The following ANO2 variants were observed in gnomAD, a reference collection of about 807,000 sequenced individuals.
ANO2 encodes anoctamin 2.
A neutral mutation model predicts 124.2 loss-of-function variants in ANO2; 101 were observed. That is an observed-to-expected ratio of 0.81 (90% CI 0.69 to 0.96). The LOEUF (loss-of-function observed/expected upper bound fraction) is 0.96, where lower values mean the gene tolerates loss of function less well. Among genes scored for constraint, ANO2 ranks in the 40% least tolerant of loss-of-function variants. The pLI, the probability that ANO2 is intolerant of heterozygous loss-of-function variation, is 0.00. For missense variants in ANO2, 1,293 were observed against 1,274.5 expected (o/e 1.01, Z -0.22); for synonymous variants, 486 against 482.5 (o/e 1.01, Z -0.09).
intron 14 of ANO2, among the ~76,000 whole-genome samples, chr12:5,648,047 T>C (rs1228484721): frequency 1.3e-5 from 2 of 152,220 alleles, no homozygotes; most frequent in African/African-American, 2.4e-5. Context: ...CACACGGGGC[T>C]GAATTTCTAG....
At position 5,935,799 on chromosome 12, in the gene ANO2, TG is replaced by T. The variant is rs376978709; in HGVS notation, c.22+9396del. 1.4e-4 allele frequency among the ~76,000 whole-genome samples: 22 copies of T among 152,366 alleles called. No homozygotes were observed. In the East Asian group the frequency reaches 1.9e-3, roughly 13 times the overall value. ...CCAAGAAGGTTAAAATATTGATGTC[TG>T]GGTTTCACCTCCACAGATTTGGACT... is the stretch of plus-strand genomic sequence containing the variant. On this transcript the variant is annotated intron_variant, in intron 1 of 24. Transcript: ENST00000682330.
intron 14 of ANO2, among the ~76,000 whole-genome samples, chr12:5,692,047 C>T (rs930642920): frequency 6.6e-6 from 1 of 152,112 alleles, no homozygotes; most frequent in South Asian, 2.1e-4. Context: ...GTGATGTGAT[C>T]TGATTTACAG....
chr12:5,885,443 A>G (rs1190059430), intron 3 of ANO2, among the ~76,000 whole-genome samples: 4 of 152,252 alleles, frequency 2.6e-5, no homozygotes, highest in African/African-American at 9.6e-5. Context: ...TGATAACAAT[A>G]ATAACTCACT....
intron 10 of ANO2, among the ~76,000 whole-genome samples, chr12:5,761,687 G>A (rs1951750257): frequency 2.6e-5 from 4 of 152,078 alleles, no homozygotes; most frequent in Admixed American, 6.5e-5. Flanking sequence ...TGGGCATAGC[G>A]ATAAATCAGT....
chr12:5,707,631 C>G (rs916554943), intron 14 of ANO2, among the ~76,000 whole-genome samples: 2 of 152,116 alleles, frequency 1.3e-5, no homozygotes, highest in African/African-American at 4.8e-5. Flanking sequence ...CTTTCCCCAC[C>G]CCCAGAGGAT....
intron 16 of ANO2, among the ~76,000 whole-genome samples, chr12:5,624,919 AG>A (rs1180104416): frequency 6.6e-6 from 1 of 152,166 alleles, no homozygotes; most frequent in Non-Finnish European, 1.5e-5. Context: ...AACCAGCCCC[AG>A]GGGCTGGGGA....
At chr12:5,838,820 T>TA (rs1255484945) in intron 4 of ANO2, among the ~76,000 whole-genome samples, 8 of 152,180 alleles carry the variant, frequency 5.3e-5, no homozygotes, top group Non-Finnish European at 1.0e-4. Flanking sequence ...ACCATGGACT[T>TA]ACGGAGAGCA....
intron 15 of ANO2, among the ~76,000 whole-genome samples, chr12:5,642,478 A>G (rs1456480446): frequency 1.3e-5 from 2 of 152,108 alleles, no homozygotes; most frequent in Non-Finnish European, 2.9e-5. Context: ...AAATTCTTTC[A>G]GTCCACCTTC....
chr12:5,696,406 A>G (rs1949177527), intron 14 of ANO2, among the ~76,000 whole-genome samples: 1 of 152,222 alleles, frequency 6.6e-6, no homozygotes, highest in Non-Finnish European at 1.5e-5. Flanking sequence ...CATAAATAGG[A>G]AAATATAACA....
At chr12:5,580,659 A>T (rs1320327088) in intron 20 of ANO2, among the ~76,000 whole-genome samples, 1 of 152,234 alleles carries the variant, frequency 6.6e-6, no homozygotes, top group East Asian at 1.9e-4. Flanking sequence ...CAAATGGGAA[A>T]AAAATTCTGT....
intron 20 of ANO2, among the ~76,000 whole-genome samples, chr12:5,582,181 G>A (rs2136849783): frequency 6.6e-6 from 1 of 152,282 alleles, no homozygotes; most frequent in African/African-American, 2.4e-5. Flanking sequence ...AAGCCAGCTC[G>A]GCCTGACCAA....
chr12:5,794,305 G>C (rs914401490), intron 10 of ANO2, among the ~76,000 whole-genome samples: 3 of 152,086 alleles, frequency 2.0e-5, no homozygotes, highest in African/African-American at 7.2e-5. Flanking sequence ...TGGATTGCCT[G>C]CTAATTCGTG....
intron 9 of ANO2, among the ~76,000 whole-genome samples, chr12:5,802,073 C>A (rs1280148332): frequency 1.3e-5 from 2 of 152,208 alleles, no homozygotes; most frequent in African/African-American, 4.8e-5. Flanking sequence ...TATGTCCAGG[C>A]AAAACCTGAG....
intron 14 of ANO2, among the ~76,000 whole-genome samples, chr12:5,715,585 C>A (rs895141334): frequency 2.0e-5 from 3 of 152,206 alleles, no homozygotes; most frequent in African/African-American, 7.2e-5. Flanking sequence ...AGAAGAGCAA[C>A]AGCCTCCTGC....
In ANO2 at chr12:5,730,479, T is replaced by A. The variant is rs554395314; in HGVS notation, c.1545+2041A>T. Among the ~76,000 whole-genome samples the A allele has an allele frequency of 6.6e-5, 10 of 152,278 alleles. No individual in the cohort carries two copies. The South Asian group carries it at 2.1e-3, about 32-fold the overall frequency. On this transcript the variant is annotated intron_variant, in intron 14 of 24. Transcript: ENST00000682330. ...TAAGGAGAGGTGAGGATATGCAGCA[T>A]CAGGATTACAGTGAAGGCAGAACCA...
chr12:5,907,631 AG>A (rs1170444227), intron 3 of ANO2, among the ~76,000 whole-genome samples: 2 of 151,738 alleles, frequency 1.3e-5, no homozygotes, highest in East Asian at 1.9e-4. Flanking sequence ...GCCCATAAAG[AG>A]GGGGAAAAAA....
At chr12:5,649,163 G>T (rs936166126) in intron 14 of ANO2, among the ~76,000 whole-genome samples, 1 of 152,122 alleles carries the variant, frequency 6.6e-6, no homozygotes, top group Non-Finnish European at 1.5e-5. Context: ...TGGGAGTGAG[G>T]GTTATCTTGG....
intron 10 of ANO2, among the ~76,000 whole-genome samples, chr12:5,796,152 C>A (rs1952838359): frequency 6.6e-6 from 1 of 151,918 alleles, no homozygotes; most frequent in Non-Finnish European, 1.5e-5. Flanking sequence ...CACACACAGT[C>A]ACACAATCGC....
At position 5,582,590 on chromosome 12, in the gene ANO2, T is replaced by G. The variant is rs781108380; in HGVS notation, c.2234-4072A>C. 1.2e-4 allele frequency among the ~76,000 whole-genome samples: 18 copies of G among 152,348 alleles called. 1 individual carries two copies. In the Middle Eastern group the frequency reaches 0.01, roughly 86 times the overall value. On this transcript the variant is annotated intron_variant, in intron 20 of 24. Coordinates refer to ENST00000682330, the MANE Select transcript of ANO2 (RefSeq NM_001364791.2). ...TGGAGAAGATTTTGATGGAATACAATTCTGATTTTTTACTCATTTATTTAA... is the reference window on the plus strand; with the variant it reads ...TGGAGAAGATTTTGATGGAATACAAGTCTGATTTTTTACTCATTTATTTAA...
Sources: gnomAD v4.1 joint callset for allele counts (sites outside exome capture counted in the v4.1 genomes callset) on GRCh38, gnomAD v4.1.1 for gene constraint, MANE v1.5 for transcripts, NCBI Gene and HGNC (gene_info 2026-07-23, HGNC 2026-07-21) for gene names.